Variants in TMEM114 observed in about 807,000 individuals in gnomAD.
The protein encoded by TMEM114 is claudin-26.
A neutral mutation model predicts 6.2 loss-of-function variants in TMEM114; 6 were observed. The ratio of observed to expected loss-of-function variants is 0.97; its 90% CI spans 0.53 to 1.91. The LOEUF is 1.91. Among genes scored for constraint, TMEM114 ranks in the 40% most tolerant of loss-of-function variants. TMEM114 has a pLI of 0.01. For synonymous variants in TMEM114, 104 were observed against 73.0 expected, an observed-to-expected ratio of 1.42 and a Z score of -2.16; for missense variants, 218 against 158.3, an observed-to-expected ratio of 1.38 and a Z score of -2.02.
Position 8,545,308 on chromosome 16 carries a change from T to G in TMEM114, n.213-7482A>C, listed in dbSNP as rs532673428. Among the ~76,000 whole-genome samples the G allele has an allele frequency of 9.2e-5, 14 of 152,262 alleles. No individual in the cohort carries two copies. In the East Asian group the frequency reaches 2.7e-3, roughly 29 times the overall value. On this transcript the variant is annotated intron_variant and non_coding_transcript_variant, in intron 2 of 2. Coordinates refer to the TMEM114 transcript ENST00000623677. ...AAAAATAACCAGGCACAGTGGCACA[T>G]GCCTGCAGTCCCAGCTACTCAGGAG...
At chr16:8,542,639 A>C (rs1900548850) in intron 2 of TMEM114, among the ~76,000 whole-genome samples, 1 of 152,162 alleles carries the variant, frequency 6.6e-6, no homozygotes, top group Non-Finnish European at 1.5e-5. Context: ...GGAGGCCAGC[A>C]ACAGGGGTAG....
downstream of TMEM114, among the ~76,000 whole-genome samples, chr16:8,534,735 A>G (rs762432452): frequency 6.6e-6 from 1 of 152,204 alleles, no homozygotes; most frequent in Non-Finnish European, 1.5e-5. Flanking sequence ...CTACAAATGT[A>G]CTTGGCACAT....
intron 2 of TMEM114, among the ~76,000 whole-genome samples, chr16:8,553,492 TC>T (rs1473646738): frequency 1.7e-5 from 2 of 118,434 alleles, no homozygotes; most frequent in African/African-American, 3.7e-5. Context: ...AGCTTTTCTT[TC>T]TTTTTTTTTT....
At chr16:8,559,304 A>C (rs1303440781) in intron 2 of TMEM114, among the ~76,000 whole-genome samples, 1 of 152,174 alleles carries the variant, frequency 6.6e-6, no homozygotes, top group Non-Finnish European at 1.5e-5. Flanking sequence ...CAGCCTCCCA[A>C]AACGCTGGGA....
the TMEM114 span, among the ~76,000 whole-genome samples, chr16:8,528,060 C>T: frequency 1.3e-5 from 2 of 152,100 alleles, no homozygotes; most frequent in African/African-American, 4.8e-5. Flanking sequence ...AGGCATGTGC[C>T]ACCATGCCCG....
chr16:8,534,558 CA>C (rs1900301709), downstream of TMEM114, among the ~76,000 whole-genome samples: 1 of 152,120 alleles, frequency 6.6e-6, no homozygotes, highest in African/African-American at 2.4e-5. Flanking sequence ...TTTCCTTTGG[CA>C]GTGAAAGAAA....
At chr16:8,586,998 C>T (rs1427624119) in intron 2 of TMEM114, among the ~76,000 whole-genome samples, 3 of 152,112 alleles carry the variant, frequency 2.0e-5, no homozygotes, top group Admixed American at 2.0e-4. Flanking sequence ...CATATCAACT[C>T]ACAAGAGCCA....
At chr16:8,556,857 A>C (rs945089271) in intron 2 of TMEM114, among the ~76,000 whole-genome samples, 8 of 152,162 alleles carry the variant, frequency 5.3e-5, no homozygotes, top group African/African-American at 1.7e-4. Context: ...GTATTTTATC[A>C]CAATTTTTTA....
At chr16:8,556,133 G>C (rs185953328) in intron 2 of TMEM114, among the ~76,000 whole-genome samples, 111 of 152,256 alleles carry the variant, frequency 7.3e-4, no homozygotes, top group African/African-American at 2.5e-3. Flanking sequence ...CACTCACCCA[G>C]TCCATCAATT....
At chr16:8,549,380 G>T (rs184580816) in intron 2 of TMEM114, among the ~76,000 whole-genome samples, 2 of 151,470 alleles carry the variant, frequency 1.3e-5, no homozygotes, top group African/African-American at 4.8e-5. Context: ...GGCACCTGTA[G>T]TCTCAGCTAC....
At chr16:8,581,341 G>C (rs559369435) in intron 2 of TMEM114, among the ~76,000 whole-genome samples, 1 of 152,202 alleles carries the variant, frequency 6.6e-6, no homozygotes, top group African/African-American at 2.4e-5. Context: ...ACCTATAAAT[G>C]TCTAGCCATC....
In TMEM114 at chr16:8,590,103, C is replaced by A; in HGVS notation, c.-265G>T. The stretch of plus-strand genomic sequence containing the variant: ...CCAATGCCAGCTCTACCTGCAGACC[C>A]CCTCACTCTCACTTGTGCTGTCCGA... On this transcript the variant is annotated 5_prime_UTR_variant, in exon 1 of 4. Transcript: ENST00000620492. The A allele has an allele frequency of 2.8e-6, 1 of 354,068 alleles. No individual in the cohort carries two copies. The highest frequency in any genetic ancestry group is 4.7e-5 in the Admixed American group (1 of 21,118). 21.9% of individuals were successfully genotyped at this position (354,068 alleles called of 1,614,324 possible).
chr16:8,558,444 C>G (rs4474660), intron 2 of TMEM114, among the ~76,000 whole-genome samples: 2 of 151,730 alleles, frequency 1.3e-5, no homozygotes, highest in South Asian at 2.1e-4. Context: ...TCTCTCCATC[C>G]TCACATGGTC....
At chr16:8,547,868 C>G (rs985791084) in intron 2 of TMEM114, among the ~76,000 whole-genome samples, 2 of 152,116 alleles carry the variant, frequency 1.3e-5, no homozygotes, top group Admixed American at 6.5e-5. Context: ...CTGAGAAACC[C>G]CTCTTACTTG....
chr16:8,549,969 G>T (rs980583849), intron 2 of TMEM114, among the ~76,000 whole-genome samples: 1 of 152,216 alleles, frequency 6.6e-6, no homozygotes, highest in Admixed American at 6.5e-5. Flanking sequence ...AACCAGGGAA[G>T]CCGACAGTGC....
At position 8,572,229 on chromosome 16, in the gene TMEM114, G is replaced by C. The variant is rs1197645735; in HGVS notation, c.302-5C>G. 1.3e-6 allele frequency: 2 copies of C among 1,551,646 alleles called. No individual in the cohort carries two copies. Among genetic ancestry groups the C allele is most frequent in the East Asian group, 4.9e-5 (2 of 40,912 alleles). On this transcript the variant is annotated splice_region_variant and splice_polypyrimidine_tract_variant and intron_variant, in intron 2 of 3. Coordinates refer to ENST00000620492, the MANE Select transcript of TMEM114 (RefSeq NM_001146336.2). ...TCACAAATGTCCCATGCATGGCTTA[G>C]AAGAGACAGAGAGGATACCAGGCAG...
intron 2 of TMEM114, among the ~76,000 whole-genome samples, chr16:8,542,918 C>T (rs1263689390): frequency 6.6e-6 from 1 of 152,166 alleles, no homozygotes; most frequent in African/African-American, 2.4e-5. Context: ...CAGAATAATA[C>T]AAACTGCCGC....
intron 2 of TMEM114, among the ~76,000 whole-genome samples, chr16:8,541,910 C>T (rs866010739): frequency 1.1e-4 from 16 of 152,118 alleles, no homozygotes; most frequent in South Asian, 2.1e-4. Context: ...GGCTCCAATT[C>T]CCCTGTTCTT....
intron 2 of TMEM114, among the ~76,000 whole-genome samples, chr16:8,548,600 C>T (rs994006351): frequency 6.6e-6 from 1 of 151,680 alleles, no homozygotes; most frequent in African/African-American, 2.4e-5. Flanking sequence ...ACCTTTTTCA[C>T]CCCCTAAGAG....
Sources: gnomAD v4.1 joint callset for allele counts (sites outside exome capture counted in the v4.1 genomes callset) on GRCh38, gnomAD v4.1.1 for gene constraint, MANE v1.5 for transcripts, NCBI Gene and HGNC (gene_info 2026-07-23, HGNC 2026-07-21) for gene names.